The following DYNC1I2 variants were observed in gnomAD, a reference collection of about 807,000 sequenced individuals.
DYNC1I2 encodes dynein cytoplasmic 1 intermediate chain 2, also known as cytoplasmic dynein 1 intermediate chain 2.
A neutral mutation model predicts 88.6 loss-of-function variants in DYNC1I2; 53 were observed. That is an observed-to-expected ratio of 0.60 (90% CI 0.48 to 0.75). DYNC1I2 has a LOEUF of 0.75. Among genes scored for constraint, DYNC1I2 ranks in the 30% least tolerant of loss-of-function variants. DYNC1I2 has a pLI of 0.00. For synonymous variants in DYNC1I2, 198 were observed against 254.6 expected (o/e 0.78, Z 2.12); for missense variants, 458 against 766.6 (o/e 0.60, Z 4.75).
chr2:171,727,349 A>C (rs1688322051), intron 11 of DYNC1I2, among the ~76,000 whole-genome samples: 1 of 152,154 alleles, frequency 6.6e-6, no homozygotes, highest in Non-Finnish European at 1.5e-5. Context: ...TTGAAGTAGA[A>C]AACAGATGCA....
intron 17 of DYNC1I2, among the ~76,000 whole-genome samples, chr2:171,746,354 C>T (rs962461286): frequency 2.6e-5 from 4 of 152,146 alleles, no homozygotes; most frequent in African/African-American, 9.7e-5. Context: ...ATGCAATGTG[C>T]ATCTTGACTC....
At position 171,724,330 on chromosome 2, in the gene DYNC1I2, A is replaced by G. The variant is rs377173209; in HGVS notation, c.512-1288A>G. ...TGTGGTTTGGCAGCTGGTGTGGCCTACAAGCTGCATTTTGTTTGCTGGGTA... is the reference window on the plus strand; with the variant it reads ...TGTGGTTTGGCAGCTGGTGTGGCCTGCAAGCTGCATTTTGTTTGCTGGGTA... On this transcript the variant is annotated intron_variant, in intron 7 of 17. Transcript: ENST00000397119. Among the ~76,000 whole-genome samples, 28 of 152,332 alleles carry G rather than the reference A, an allele frequency of 1.8e-4. No individual in the cohort carries two copies. In the East Asian group the frequency reaches 4.6e-3, roughly 25 times the overall value.
intron 5 of DYNC1I2, among the ~76,000 whole-genome samples, chr2:171,708,552 T>G (rs1198334503): frequency 6.6e-6 from 1 of 152,184 alleles, no homozygotes; most frequent in Non-Finnish European, 1.5e-5. Context: ...AATTTTCTTT[T>G]TAGAAATAAT....
At chr2:171,739,979 G>A (rs548892761) in intron 15 of DYNC1I2, among the ~76,000 whole-genome samples, 103 of 152,148 alleles carry the variant, frequency 6.8e-4, no homozygotes, top group Non-Finnish European at 1.0e-3. Context: ...GCTTTCCAAA[G>A]TCCTGGGATT....
intron 15 of DYNC1I2, among the ~76,000 whole-genome samples, chr2:171,735,508 T>A (rs1688942600): frequency 6.6e-6 from 1 of 152,202 alleles, no homozygotes; most frequent in African/African-American, 2.4e-5. Flanking sequence ...TCCAAAAATA[T>A]TTGAAATCTG....
At chr2:171,733,470 T>TG (rs1688773224) in intron 15 of DYNC1I2, among the ~76,000 whole-genome samples, 1 of 137,354 alleles carries the variant, frequency 7.3e-6, no homozygotes, top group African/African-American at 2.7e-5. Context: ...TTTTTTTTTT[T>TG]TTTTTTTTTT....
chr2:171,720,708 G>A (rs776827006), intron 7 of DYNC1I2, among the ~76,000 whole-genome samples: 2 of 152,140 alleles, frequency 1.3e-5, no homozygotes, highest in Non-Finnish European at 2.9e-5. Flanking sequence ...TCAAGCCAGG[G>A]CGACAGAGTG....
At chr2:171,735,645 C>G (rs193248823) in intron 15 of DYNC1I2, among the ~76,000 whole-genome samples, 2 of 152,324 alleles carry the variant, frequency 1.3e-5, no homozygotes, top group Admixed American at 1.3e-4. Flanking sequence ...TTAAAAGACT[C>G]TGTTGCCATC....
chr2:171,710,122 TACACACAC>T (rs55862813), intron 5 of DYNC1I2, among the ~76,000 whole-genome samples: 33,969 of 144,442 alleles, frequency 0.24, 3,896 homozygotes, highest in African/African-American at 0.26. Context: ...TATGTATATA[TACACACAC>T]ACACACACAC....
chr2:171,746,050 T>TA, intron 17 of DYNC1I2, 123 bp downstream of exon 17: 1 of 957,988 alleles, frequency 1.0e-6, no homozygotes, highest in East Asian at 2.6e-5. Context: ...GTTGTAAAGA[T>TA]AAAACTTACT....
chr2:171,712,099 G>GGGAAAAATCTATTTTTTTCCTA, intron 5 of DYNC1I2, among the ~76,000 whole-genome samples: 1 of 152,234 alleles, frequency 6.6e-6, no homozygotes, highest in African/African-American at 2.4e-5. Flanking sequence ...TATTTTTCCA[G>GGGAAAAATCTATTTTTTTCCTA]GGAAAAATCT....
intron 16 of DYNC1I2, 53 bp from the exon 17 acceptor site, chr2:171,745,749 A>G: frequency 6.4e-7 from 1 of 1,561,008 alleles, no homozygotes; most frequent in East Asian, 2.3e-5. Context: ...TTACATGTTT[A>G]TAGAAATCTT....
chr2:171,697,853 C>CAAGAAAAGAAAAGAA (rs61391489), intron 3 of DYNC1I2, among the ~76,000 whole-genome samples: 1 of 149,172 alleles, frequency 6.7e-6, no homozygotes, highest in Non-Finnish European at 1.5e-5. Flanking sequence ...GACCCTATCT[C>CAAGAAAAGAAAAGAA]AAGAAAAGAA....
At chr2:171,703,832 G>GT (rs1440190371) in intron 3 of DYNC1I2, among the ~76,000 whole-genome samples, 1 of 152,154 alleles carries the variant, frequency 6.6e-6, no homozygotes, top group Non-Finnish European at 1.5e-5. Context: ...CGTGGACTGT[G>GT]TTTGAGTACT....
intron 15 of DYNC1I2, among the ~76,000 whole-genome samples, chr2:171,732,117 G>A (rs565400861): frequency 5.3e-5 from 8 of 152,262 alleles, no homozygotes; most frequent in African/African-American, 9.6e-5. Context: ...TAATCTCAGC[G>A]CTTTGGGAGT....
intron 15 of DYNC1I2, 65 bp from the exon 16 acceptor site, chr2:171,743,984 A>G: frequency 7.3e-7 from 1 of 1,378,298 alleles, no homozygotes. Context: ...TTTCCCAGTG[A>G]TAAGTAGTTT....
At chr2:171,731,662 A>C (rs1011893160) in intron 15 of DYNC1I2, among the ~76,000 whole-genome samples, 7 of 152,150 alleles carry the variant, frequency 4.6e-5, no homozygotes, top group African/African-American at 1.7e-4. Context: ...CTGAGGTGGG[A>C]GGATTGCTCA....
At chr2:171,715,248 T>G in intron 6 of DYNC1I2, 80 bp from the exon 7 acceptor site, 1 of 835,432 alleles carries the variant, frequency 1.2e-6, no homozygotes, top group Non-Finnish European at 1.9e-6. Context: ...TGGGTGCAAA[T>G]GACTGTTTAA....
At position 171,728,789 on chromosome 2, in the gene DYNC1I2, G is replaced by C; in HGVS notation, c.1330G>C (p.Val444Leu). ...VTSMSFPVGD[V>L]NNFVVGSEEG... is the part of the protein sequence containing the mutation. The stretch of plus-strand genomic sequence containing the variant: ...ATCTATGTCCTTCCCTGTTGGAGAT[G>C]TCAACAACTTTGTTGTTGGGAGTGA... Residue 444 changes from valine (V) to leucine (L), a missense_variant, in exon 14 of 18, where the codon GTC (valine) becomes CTC (leucine). Transcript: ENST00000397119. 1 of 1,610,682 alleles carries C rather than the reference G, an allele frequency of 6.2e-7. No homozygotes were observed.
Sources: allele counts gnomAD v4.1 joint callset (sites outside exome capture counted in the v4.1 genomes callset), GRCh38; gene constraint gnomAD v4.1.1; transcripts MANE v1.5; gene names NCBI Gene and HGNC (gene_info 2026-07-23, HGNC 2026-07-21).